Variants in KCTD1 observed in about 807,000 individuals in gnomAD.
KCTD1 encodes BTB/POZ domain-containing protein KCTD1.
A neutral mutation model predicts 66.0 loss-of-function variants in KCTD1; 24 were observed. The observed-to-expected ratio is 0.36, with a 90% CI of 0.26 to 0.51. The LOEUF is 0.51. Ranked by LOEUF, KCTD1 falls within the 20% of genes least tolerant of loss-of-function variation. The probability of loss-of-function intolerance (pLI) is 0.95; values close to 1 mark genes in which losing one functional copy is unlikely to be tolerated. For missense variants in KCTD1, 943 were observed against 1,205.2 expected (o/e 0.78, Z 3.22); for synonymous variants, 511 against 517.2 (o/e 0.99, Z 0.16).
intron 3 of KCTD1, among the ~76,000 whole-genome samples, chr18:26,471,566 T>C (rs1465292799): frequency 1.3e-5 from 2 of 151,748 alleles, no homozygotes; most frequent in African/African-American, 2.4e-5. Flanking sequence ...TGGGGTAGGA[T>C]GGTGGCAGGG....
intron 1 of KCTD1, among the ~76,000 whole-genome samples, chr18:26,648,085 A>T (rs1987964064): frequency 1.3e-5 from 2 of 152,038 alleles, no homozygotes; most frequent in African/African-American, 4.8e-5. Flanking sequence ...ACCTCAAGGG[A>T]TCCACCCACC....
chr18:26,467,348 C>T (rs1414619569), intron 3 of KCTD1, among the ~76,000 whole-genome samples: 1 of 151,984 alleles, frequency 6.6e-6, no homozygotes, highest in Non-Finnish European at 1.5e-5. Context: ...GTGAGACCGT[C>T]TCTACAAAAA....
At chr18:26,651,185 A>C (rs1279560339) in intron 1 of KCTD1, among the ~76,000 whole-genome samples, 1 of 152,146 alleles carries the variant, frequency 6.6e-6, no homozygotes, top group East Asian at 1.9e-4. Context: ...GGGCGAAGAG[A>C]GAACAGGAGG....
intron 1 of KCTD1, among the ~76,000 whole-genome samples, chr18:26,578,126 G>A (rs568565470): frequency 5.0e-4 from 71 of 141,892 alleles, no homozygotes; most frequent in African/African-American, 1.8e-3. Flanking sequence ...CTCCGATCTC[G>A]GCTCACTGCA....
chr18:26,488,584 C>G (rs1982032958), intron 2 of KCTD1, among the ~76,000 whole-genome samples: 1 of 152,164 alleles, frequency 6.6e-6, no homozygotes, highest in African/African-American at 2.4e-5. Flanking sequence ...ATCACAGAAA[C>G]AAGTTTGGGC....
Position 26,585,855 on chromosome 18 carries a change from A to G in KCTD1, c.-16+43292T>C, listed in dbSNP as rs1986460607. 2.6e-5 allele frequency among the ~76,000 whole-genome samples: 4 copies of G among 152,324 alleles called. 1 individual carries two copies. The South Asian group carries it at 8.3e-4, about 32-fold the overall frequency. On this transcript the variant is annotated intron_variant, in intron 1 of 4. Coordinates refer to the KCTD1 transcript ENST00000317932. ...TTAAAAAGTACAGGTATGCTTGGGCAACATAGTGAGACCTTGTCTCTGTTA... is the reference window on the plus strand; with the variant it reads ...TTAAAAAGTACAGGTATGCTTGGGCGACATAGTGAGACCTTGTCTCTGTTA...
intron 3 of KCTD1, among the ~76,000 whole-genome samples, chr18:26,473,598 A>G (rs1981188373): frequency 6.6e-6 from 1 of 151,672 alleles, no homozygotes; most frequent in African/African-American, 2.4e-5. Flanking sequence ...TAATAATAGT[A>G]AAAAAGAAAT....
intron 1 of KCTD1, among the ~76,000 whole-genome samples, chr18:26,657,202 A>G (rs1366305880): frequency 6.6e-6 from 1 of 150,958 alleles, no homozygotes; most frequent in Non-Finnish European, 1.5e-5. Context: ...CCGCGGGTCC[A>G]AGCGGATTCC....
chr18:26,620,836 T>TTC (rs1355315344), intron 1 of KCTD1, among the ~76,000 whole-genome samples: 1 of 98,172 alleles, frequency 1.0e-5, no homozygotes, highest in Non-Finnish European at 2.6e-5. Flanking sequence ...TGAAAAGCTT[T>TTC]TTTTTTTTTT....
intron 1 of KCTD1, chr18:26,599,947 T>G: frequency 2.5e-6 from 4 of 1,596,732 alleles, no homozygotes; most frequent in Non-Finnish European, 3.4e-6. Context: ...CACCAAGAAG[T>G]CTTCTCCTTC....
chr18:26,491,722 G>A (rs1982210431), intron 2 of KCTD1, among the ~76,000 whole-genome samples: 1 of 152,150 alleles, frequency 6.6e-6, no homozygotes, highest in Non-Finnish European at 1.5e-5. Flanking sequence ...GGCTCACATG[G>A]GTAACCCATG....
At chr18:26,515,478 G>A (rs532026392) in intron 1 of KCTD1, among the ~76,000 whole-genome samples, 59 of 151,554 alleles carry the variant, frequency 3.9e-4, no homozygotes, top group African/African-American at 1.4e-3. Context: ...GACCCACTAG[G>A]GCTTAGACTC....
chr18:26,462,761 C>T (rs1339148618), intron 3 of KCTD1, among the ~76,000 whole-genome samples: 1 of 152,192 alleles, frequency 6.6e-6, no homozygotes, highest in Non-Finnish European at 1.5e-5. Context: ...GAAACCTTTC[C>T]TTCCTTAAAT....
chr18:26,546,594 G>A (rs1450286198), intron 1 of KCTD1, 134 bp downstream of exon 1: 1 of 1,055,500 alleles, frequency 9.5e-7, no homozygotes, highest in Non-Finnish European at 1.3e-6. Context: ...AACTTCTAAG[G>A]GTGAAACGAA....
At chr18:26,619,739 G>C (rs1987332261) in intron 1 of KCTD1, among the ~76,000 whole-genome samples, 1 of 152,178 alleles carries the variant, frequency 6.6e-6, no homozygotes, top group South Asian at 2.1e-4. Flanking sequence ...TTCTTCACTG[G>C]ACATGGCCCT....
intron 1 of KCTD1, among the ~76,000 whole-genome samples, chr18:26,621,558 G>A (rs1014107280): frequency 6.6e-6 from 1 of 152,130 alleles, no homozygotes; most frequent in African/African-American, 2.4e-5. Context: ...GCAGAGGAAA[G>A]AAGCAGCTCA....
intron 1 of KCTD1, among the ~76,000 whole-genome samples, chr18:26,503,451 A>C (rs1212533875): frequency 6.6e-6 from 1 of 152,280 alleles, no homozygotes; most frequent in African/African-American, 2.4e-5. Context: ...CTTTTAAGAG[A>C]TACGTACTGA....
At chr18:26,489,200 G>A (rs1226950062) in intron 2 of KCTD1, among the ~76,000 whole-genome samples, 1 of 152,136 alleles carries the variant, frequency 6.6e-6, no homozygotes, top group African/African-American at 2.4e-5. Flanking sequence ...CCAAATATTG[G>A]TAATTCATCT....
chr18:26,537,113 T>C (rs1449396133), intron 1 of KCTD1, among the ~76,000 whole-genome samples: 1 of 152,222 alleles, frequency 6.6e-6, no homozygotes, highest in Non-Finnish European at 1.5e-5. Flanking sequence ...CTAATGTTCT[T>C]GTTATACTTT....
Sources: gnomAD v4.1 joint callset for allele counts (sites outside exome capture counted in the v4.1 genomes callset) on GRCh38, gnomAD v4.1.1 for gene constraint, MANE v1.5 for transcripts, NCBI Gene and HGNC (gene_info 2026-07-23, HGNC 2026-07-21) for gene names.